The following NRXN3 variants were observed in gnomAD, a reference collection of about 807,000 sequenced individuals.
NRXN3 encodes neurexin 3, also known as neurexin III.
NRXN3 carries 32 observed loss-of-function variants against 137.6 expected under a neutral mutation model. The observed-to-expected ratio is 0.23, with a 90% confidence interval of 0.18 to 0.31. The LOEUF (loss-of-function observed/expected upper bound fraction) is 0.31. Ranked by LOEUF, NRXN3 falls within the 10% of genes least tolerant of loss-of-function variation. NRXN3 has a pLI of 1.00. For missense variants in NRXN3, 1,574 were observed against 2,062.5 expected (o/e 0.76, Z 4.59); for synonymous variants, 798 against 784.5 (o/e 1.02, Z -0.29).
intron 6 of NRXN3, among the ~76,000 whole-genome samples, chr14:78,671,766 A>G (rs745772301): frequency 2.0e-5 from 3 of 152,166 alleles, no homozygotes; most frequent in Non-Finnish European, 2.9e-5. Flanking sequence ...CTCACCATCT[A>G]TTTATCATAA....
At chr14:79,077,283 T>C (rs985107746) in intron 15 of NRXN3, among the ~76,000 whole-genome samples, 3 of 151,898 alleles carry the variant, frequency 2.0e-5, no homozygotes, top group Admixed American at 2.0e-4. Flanking sequence ...CACCTGGAGG[T>C]TCAACAAATA....
At chr14:79,858,377 A>G (rs568388797) in intron 20 of NRXN3, among the ~76,000 whole-genome samples, 11 of 152,320 alleles carry the variant, frequency 7.2e-5, no homozygotes, top group South Asian at 2.1e-4. Flanking sequence ...ATTGCAAATG[A>G]ATGCCACTCT....
chr14:78,960,290 A>C (rs2099405579), intron 11 of NRXN3, among the ~76,000 whole-genome samples: 1 of 152,194 alleles, frequency 6.6e-6, no homozygotes, highest in Admixed American at 6.5e-5. Context: ...TATAGTGATA[A>C]GGGGTTGGGA....
chr14:78,513,612 C>T (rs1157757166), intron 4 of NRXN3, among the ~76,000 whole-genome samples: 1 of 152,046 alleles, frequency 6.6e-6, no homozygotes, highest in Non-Finnish European at 1.5e-5. Flanking sequence ...TAAGTAAAAA[C>T]TGTGTTACTG....
intron 4 of NRXN3, among the ~76,000 whole-genome samples, chr14:78,348,517 A>G (rs2083052814): frequency 2.6e-5 from 4 of 152,208 alleles, no homozygotes; most frequent in Admixed American, 2.6e-4. Flanking sequence ...CTCAGGAAGC[A>G]TGGGAGAAAC....
chr14:78,897,996 G>A (rs928556814), intron 10 of NRXN3, among the ~76,000 whole-genome samples: 7 of 151,874 alleles, frequency 4.6e-5, no homozygotes, highest in African/African-American at 1.5e-4. Context: ...GTTAGAGAAC[G>A]TATTCTGCCT....
intron 4 of NRXN3, among the ~76,000 whole-genome samples, chr14:78,561,858 T>G (rs962864931): frequency 7.9e-5 from 12 of 152,206 alleles, no homozygotes; most frequent in Non-Finnish European, 1.5e-4. Flanking sequence ...TACCTTTGAC[T>G]CATTATAAGC....
At chr14:78,224,099 C>T (rs1238252695) in intron 1 of NRXN3, among the ~76,000 whole-genome samples, 2 of 152,020 alleles carry the variant, frequency 1.3e-5, no homozygotes, top group Admixed American at 6.6e-5. Context: ...TGTCTCATCA[C>T]TCCCTCTGTT....
intron 4 of NRXN3, among the ~76,000 whole-genome samples, chr14:78,638,421 T>C (rs1454612486): frequency 1.3e-5 from 2 of 152,176 alleles, no homozygotes; most frequent in Non-Finnish European, 2.9e-5. Flanking sequence ...TCTCTCTTAA[T>C]GCTTTCTTTG....
intron 20 of NRXN3, among the ~76,000 whole-genome samples, chr14:79,807,739 C>T (rs2099213962): frequency 6.6e-6 from 1 of 152,096 alleles, no homozygotes; most frequent in Non-Finnish European, 1.5e-5. Context: ...ACATGTAGCT[C>T]TAGGAGGCTG....
chr14:78,959,014 T>G (rs1385141221), intron 11 of NRXN3, among the ~76,000 whole-genome samples: 1 of 152,256 alleles, frequency 6.6e-6, no homozygotes, highest in Non-Finnish European at 1.5e-5. Flanking sequence ...AAAATTGATA[T>G]TCTATTATTT....
At chr14:78,347,946 G>A (rs2082967905) in intron 4 of NRXN3, among the ~76,000 whole-genome samples, 1 of 152,144 alleles carries the variant, frequency 6.6e-6, no homozygotes, top group Non-Finnish European at 1.5e-5. Context: ...GGGGGCGAGA[G>A]GGTACTAGGA....
At chr14:78,512,161 C>A (rs2096121672) in intron 4 of NRXN3, among the ~76,000 whole-genome samples, 1 of 152,072 alleles carries the variant, frequency 6.6e-6, no homozygotes, top group Admixed American at 6.5e-5. Flanking sequence ...TCATCCACAC[C>A]ACCTCAGCCG....
intron 1 of NRXN3, among the ~76,000 whole-genome samples, chr14:78,206,669 C>G (rs534128070): frequency 1.2e-4 from 18 of 152,262 alleles, no homozygotes; most frequent in Non-Finnish European, 1.5e-4. Flanking sequence ...GAGTTACTGT[C>G]CTGAATGTTC....
At chr14:78,335,598 A>G (rs1214266599) in intron 4 of NRXN3, among the ~76,000 whole-genome samples, 3 of 152,190 alleles carry the variant, frequency 2.0e-5, no homozygotes, top group Admixed American at 1.3e-4. Flanking sequence ...AATAAAGTAG[A>G]CACATTAATT....
At chr14:78,298,652 G>A (rs181138059) in intron 4 of NRXN3, among the ~76,000 whole-genome samples, 4 of 152,282 alleles carry the variant, frequency 2.6e-5, no homozygotes, top group African/African-American at 7.2e-5. Context: ...AGTTAAAATT[G>A]TCTTTTCCTT....
chr14:79,319,097 T>A (rs1237115187), intron 15 of NRXN3, among the ~76,000 whole-genome samples: 1 of 152,212 alleles, frequency 6.6e-6, no homozygotes, highest in Non-Finnish European at 1.5e-5. Context: ...TTTCTTGTTT[T>A]CCATCTATGT....
intron 1 of NRXN3, among the ~76,000 whole-genome samples, chr14:78,241,439 A>T (rs1401932601): frequency 6.6e-6 from 1 of 152,000 alleles, no homozygotes; most frequent in Non-Finnish European, 1.5e-5. Context: ...GGGCAACATG[A>T]TGAAACTCCG....
chr14:78,888,869 A>ACACC (rs1555551982), intron 10 of NRXN3, among the ~76,000 whole-genome samples: 1 of 151,634 alleles, frequency 6.6e-6, no homozygotes, highest in Non-Finnish European at 1.5e-5. Context: ...ACACACACAC[A>ACACC]CACCCCAGAT....
Sources: gnomAD v4.1 joint callset for allele counts (sites outside exome capture counted in the v4.1 genomes callset) on GRCh38, gnomAD v4.1.1 for gene constraint, MANE v1.5 for transcripts, NCBI Gene and HGNC (gene_info 2026-07-23, HGNC 2026-07-21) for gene names.